Variants in IL1RAPL1 observed in about 807,000 individuals in gnomAD.
IL1RAPL1 encodes the protein interleukin-1 receptor accessory protein-like 1.
In IL1RAPL1, 3 loss-of-function variants were observed where a neutral mutation model predicts 48.4. The ratio of observed to expected loss-of-function variants is 0.06; its 90% CI spans 0.03 to 0.16. IL1RAPL1 has a LOEUF of 0.16. Among genes scored for constraint, IL1RAPL1 ranks in the 10% least tolerant of loss-of-function variants. IL1RAPL1 has a pLI of 1.00. For synonymous variants in IL1RAPL1, 185 were observed against 187.7 expected (o/e 0.99, Z 0.12); for missense variants, 349 against 530.6 (o/e 0.66, Z 3.36).
At chrX:29,483,437 A>G (rs755035807) in intron 5 of IL1RAPL1, among the ~76,000 whole-genome samples, 1 of 111,304 alleles carries the variant, frequency 9.0e-6, no homozygotes, top group Non-Finnish European at 1.9e-5. Context: ...GTATGCTACC[A>G]TATTAGAGAC....
chrX:29,285,314 C>A, intron 3 of IL1RAPL1, among the ~76,000 whole-genome samples: 1 of 108,968 alleles, frequency 9.2e-6, no homozygotes, highest in Non-Finnish European at 1.9e-5. Context: ...GGGCAGATCA[C>A]CTGAGGTTGG....
intron 1 of IL1RAPL1, among the ~76,000 whole-genome samples, chrX:28,653,314 A>C (rs1169514491): frequency 3.6e-5 from 4 of 110,588 alleles, no homozygotes; most frequent in Non-Finnish European, 7.6e-5. Flanking sequence ...GTCTCTACTA[A>C]AAATACAAAA....
At chrX:29,249,270 C>T (rs1042659690) in intron 2 of IL1RAPL1, among the ~76,000 whole-genome samples, 4 of 111,361 alleles carry the variant, frequency 3.6e-5, no homozygotes, top group African/African-American at 1.3e-4. Context: ...ATAGTTAAAA[C>T]TAAAGGGATT....
At chrX:29,539,062 G>A (rs1384530941) in intron 5 of IL1RAPL1, among the ~76,000 whole-genome samples, 3 of 111,291 alleles carry the variant, frequency 2.7e-5, no homozygotes, top group Non-Finnish European at 3.8e-5. Flanking sequence ...TATGAAGCAA[G>A]CATCATCCTG....
intron 2 of IL1RAPL1, among the ~76,000 whole-genome samples, chrX:29,001,779 A>G (rs1925858825): frequency 1.8e-5 from 2 of 111,863 alleles, no homozygotes; most frequent in Non-Finnish European, 3.8e-5. Flanking sequence ...TGAGATCATC[A>G]GATATTAAAG....
chrX:29,315,873 C>T (rs1239078900), intron 3 of IL1RAPL1, among the ~76,000 whole-genome samples: 1 of 111,581 alleles, frequency 9.0e-6, no homozygotes. Context: ...GAGATGGACT[C>T]AAAAGACAGA....
intron 6 of IL1RAPL1, among the ~76,000 whole-genome samples, chrX:29,700,143 AAAAG>A (rs1927012910): frequency 8.9e-6 from 1 of 111,991 alleles, no homozygotes; most frequent in African/African-American, 3.2e-5. Flanking sequence ...GAATGAAAAA[AAAAG>A]AAAGAATGAA....
chrX:29,656,568 C>T (rs1166199760), intron 5 of IL1RAPL1, among the ~76,000 whole-genome samples: 1 of 111,006 alleles, frequency 9.0e-6, no homozygotes, highest in Admixed American at 9.6e-5. Flanking sequence ...GTCTTCAACT[C>T]CATCCAGGGT....
At chrX:29,638,939 C>G (rs1925066636) in intron 5 of IL1RAPL1, among the ~76,000 whole-genome samples, 2 of 112,029 alleles carry the variant, frequency 1.8e-5, no homozygotes, top group Admixed American at 1.9e-4. Flanking sequence ...GTAATCCCAG[C>G]ACTTTGGGAG....
chrX:29,293,472 AG>A (rs1214905943), intron 3 of IL1RAPL1, among the ~76,000 whole-genome samples: 1 of 111,520 alleles, frequency 9.0e-6, no homozygotes, highest in East Asian at 2.8e-4. Flanking sequence ...TTCTTCAAAA[AG>A]TATCAAATTA....
At chrX:28,638,174 T>G (rs745424748) in intron 1 of IL1RAPL1, among the ~76,000 whole-genome samples, 1 of 111,894 alleles carries the variant, frequency 8.9e-6, no homozygotes, top group African/African-American at 3.2e-5. Context: ...AAGAATTTTT[T>G]ACATCCCTTT....
intron 2 of IL1RAPL1, among the ~76,000 whole-genome samples, chrX:29,077,957 C>G (rs1287467425): frequency 1.8e-5 from 2 of 111,658 alleles, no homozygotes; most frequent in East Asian, 5.6e-4. Flanking sequence ...AAAAGCCACG[C>G]TACAAGACTA....
intron 2 of IL1RAPL1, among the ~76,000 whole-genome samples, chrX:29,101,018 A>G (rs1342568943): frequency 8.9e-6 from 1 of 112,014 alleles, no homozygotes; most frequent in East Asian, 2.8e-4. Context: ...ACCTATCAGT[A>G]ACTTAAACTG....
At chrX:29,254,630 C>T (rs1569270814) in intron 2 of IL1RAPL1, among the ~76,000 whole-genome samples, 1 of 111,487 alleles carries the variant, frequency 9.0e-6, no homozygotes, top group Non-Finnish European at 1.9e-5. Flanking sequence ...TATGATGAAG[C>T]TGGAGAACAA....
At chrX:29,062,414 G>A (rs1411683292) in intron 2 of IL1RAPL1, among the ~76,000 whole-genome samples, 2 of 112,475 alleles carry the variant, frequency 1.8e-5, no homozygotes, top group African/African-American at 6.5e-5. Flanking sequence ...AATACAAGAT[G>A]TTATGCAAAT....
intron 9 of IL1RAPL1, among the ~76,000 whole-genome samples, chrX:29,952,948 T>C (rs985453059): frequency 1.6e-4 from 18 of 111,770 alleles, no homozygotes; most frequent in African/African-American, 5.9e-4. Flanking sequence ...CCCTGAAAAG[T>C]TATAATCATA....
intron 2 of IL1RAPL1, among the ~76,000 whole-genome samples, chrX:29,158,668 C>G (rs2147503534): frequency 9.0e-6 from 1 of 111,569 alleles, no homozygotes; most frequent in South Asian, 3.8e-4. Context: ...TGAGCCACCA[C>G]TGCACCTGGG....
At chrX:29,445,200 T>C (rs1174415702) in intron 5 of IL1RAPL1, among the ~76,000 whole-genome samples, 3 of 112,325 alleles carry the variant, frequency 2.7e-5, no homozygotes, top group African/African-American at 9.7e-5. Flanking sequence ...TTTTCTGGAA[T>C]GTTTCTAAGA....
chrX:28,932,638 G>T (rs1361388824), intron 2 of IL1RAPL1, among the ~76,000 whole-genome samples: 1 of 109,742 alleles, frequency 9.1e-6, no homozygotes, highest in African/African-American at 3.3e-5. Flanking sequence ...CCTTGAGAAA[G>T]ACCTATTTAG....
Sources: gnomAD v4.1 joint callset for allele counts (sites outside exome capture counted in the v4.1 genomes callset) on GRCh38, gnomAD v4.1.1 for gene constraint, MANE v1.5 for transcripts, NCBI Gene and HGNC (gene_info 2026-07-23, HGNC 2026-07-21) for gene names.